Variants in MYH3 observed in about 807,000 individuals in gnomAD.
MYH3 encodes myosin heavy chain 3, also known as myosin-3.
Under a neutral mutation model 238.0 loss-of-function variants are expected in MYH3, and 130 were observed. The ratio of observed to expected loss-of-function variants is 0.55; its 90% CI spans 0.47 to 0.63. The LOEUF is 0.63. Among genes scored for constraint, MYH3 ranks in the 30% least tolerant of loss-of-function variants. The pLI, the probability that MYH3 is intolerant of heterozygous loss-of-function variation, is 0.00. For missense variants in MYH3, 1,853 were observed against 2,374.9 expected (o/e 0.78, Z 4.57); for synonymous variants, 880 against 924.1 (o/e 0.95, Z 0.86).
In MYH3 at chr17:10,629,630, G is replaced by C; in HGVS notation, c.5763C>G (p.Leu1921=). The C allele has an allele frequency of 6.2e-7, 1 of 1,614,032 alleles. No homozygotes were observed. The highest frequency in any genetic ancestry group is 1.7e-5 in the Admixed American group (1 of 60,034). Residue 1921 remains leucine, a synonymous_variant, in exon 40 of 41, where the codon CTC becomes CTG. Transcript: ENST00000583535. ...ADIAESQVNK[L]RAKTRDFTSS... is the part of the protein sequence containing the mutation. ...AGGTGAAGTCTCGAGTCTTAGCGCG[G>C]AGCTTGTTGACTTGAGATTCTGCGA...
chr17:10,633,959 T>C (rs1181181231), intron 32 of MYH3, 58 bp downstream of exon 32: 2 of 1,598,060 alleles, frequency 1.3e-6, no homozygotes, highest in African/African-American at 1.3e-5. Context: ...CACGCCAGCA[T>C]GCTCTCGAGC....
chr17:10,651,490 T>C (rs777897992), intron 5 of MYH3, 22 bp downstream of exon 5: 1 of 1,612,770 alleles, frequency 6.2e-7, no homozygotes. Flanking sequence ...CAGCATCCCA[T>C]GCTTCCTCCT....
chr17:10,654,976 T>C lies in MYH3; in HGVS notation c.89A>G (p.Gln30Arg). The change falls in exon 3 of 41, where the codon CAG becomes CGG. Residue 30 changes from glutamine to arginine, a missense_variant. Physicochemically the swap from Gln to Arg is conservative, Grantham distance 43 (BLOSUM62 1). This residue lies in a region of MYH3 where 131 missense variants were observed against 123.5 expected (regional missense o/e 1.06). Coordinates refer to ENST00000583535, the MANE Select transcript of MYH3 (RefSeq NM_002470.4). The surrounding 1 kb of genome is among the most constrained non-coding windows in gnomAD (Gnocchi z 4.5). ...SEKERIEAQN[Q>R]PFDAKTYCFV... is the part of the protein sequence containing the mutation. ...GCAATACGTCTTGGCATCAAAGGGCTGGTTCTGAGCCTCGATCCTCTCCTT... is the reference window on the plus strand; with the variant it reads ...GCAATACGTCTTGGCATCAAAGGGCCGGTTCTGAGCCTCGATCCTCTCCTT... 1 of 1,614,228 alleles carries C rather than the reference T, an allele frequency of 6.2e-7. No individual in the cohort carries two copies. Among genetic ancestry groups the C allele is most frequent in the Non-Finnish European group, 8.5e-7 (1 of 1,180,030 alleles).
chr17:10,646,780 G>A (rs906222859), intron 10 of MYH3, among the ~76,000 whole-genome samples: 1 of 152,190 alleles, frequency 6.6e-6, no homozygotes, highest in African/African-American at 2.4e-5. Flanking sequence ...AAGTGCAGTG[G>A]CTCACACCTA....
the MYH3 span, among the ~76,000 whole-genome samples, chr17:10,665,828 A>G: frequency 2.0e-5 from 3 of 152,252 alleles, no homozygotes; most frequent in East Asian, 5.8e-4. Flanking sequence ...GAAAAGCCAC[A>G]GGAGGACATT....
rs750031446 is a variant in MYH3, at chr17:10,645,718, T to C, written c.1130A>G (p.Asp377Gly). Residue 377 changes from aspartate to glycine, a missense_variant, in exon 12 of 41, where the codon GAT becomes GGT. Coordinates refer to ENST00000583535, the MANE Select transcript of MYH3 (RefSeq NM_002470.4). Reference sequence around the variant, plus strand: ...CACTGATTTTGTACCTTCTGTGCCATCCGGCTCGGCCTGCTCCTCTCGCTG... The same window carrying C: ...CACTGATTTTGTACCTTCTGTGCCACCCGGCTCGGCCTGCTCCTCTCGCTG... The part of the protein sequence containing the change: ...QKQREEQAEP[D>G]GTEVADKTAY... 6.2e-7 allele frequency: 1 copy of C among 1,612,814 alleles called. No homozygotes were observed. Among genetic ancestry groups the C allele is most frequent in the Admixed American group, 1.7e-5 (1 of 59,970 alleles).
rs750773513 is a variant in MYH3 at position 10,649,626 on chromosome 17, G to A, written c.593C>T (p.Thr198Ile). 82 of 1,614,092 alleles carry A rather than the reference G, an allele frequency of 5.1e-5. No homozygotes were observed. Among genetic ancestry groups the A allele is most frequent in the Non-Finnish European group, 6.4e-5 (75 of 1,180,042 alleles). ...GGCCAGGTCCCCAGTAGCTGCAATT[G>A]TTGCAAAGTACTGGATGACCCGTTT... ...NTKRVIQYFA[T>I]IAATGDLAKK... is the part of the protein sequence containing the mutation. Residue 198 changes from threonine (T) to isoleucine (I), a missense_variant, in exon 7 of 41, where the codon ACA becomes ATA. Physicochemically the swap from Thr to Ile is moderately conservative, Grantham distance 89. Coordinates refer to ENST00000583535, the MANE Select transcript of MYH3 (RefSeq NM_002470.4).
chr17:10,639,237 A>G, intron 24 of MYH3, 48 bp from the exon 25 acceptor site: 1 of 1,613,848 alleles, frequency 6.2e-7, no homozygotes, highest in Non-Finnish European at 8.5e-7. Flanking sequence ...TTGCAAGAGG[A>G]CCCTTGAGGG....
the MYH3 span, chr17:10,675,867 G>C: frequency 6.6e-6 from 1 of 152,152 alleles, no homozygotes; most frequent in East Asian, 1.9e-4. Flanking sequence ...CCCTAGGGTT[G>C]TGTCTTCCTT....
At chr17:10,664,515 A>G in the MYH3 span, among the ~76,000 whole-genome samples, 1 of 152,184 alleles carries the variant, frequency 6.6e-6, no homozygotes, top group Non-Finnish European at 1.5e-5. Context: ...TTGCAAAGTT[A>G]ATCAGAGTAA....
Position 10,640,192 on chromosome 17 carries a change from G to A in MYH3, c.2486C>T (p.Pro829Leu), listed in dbSNP as rs200652175. ...GATCTTGAAGAAGAGTTTCATCCAGGGCCAGTGCTTGACGTTCATGAATGA... is the reference window on the plus strand; with the variant it reads ...GATCTTGAAGAAGAGTTTCATCCAGAGCCAGTGCTTGACGTTCATGAATGA... ...IRSFMNVKHW[P>L]WMKLFFKIKP... is the part of the protein sequence containing the mutation. The change falls in exon 22 of 41, where the codon CCC becomes CTC. Residue 829 changes from proline to leucine, a missense_variant. Physicochemically the swap from Pro to Leu is moderately conservative, Grantham distance 98 (BLOSUM62 -3). Around this residue, in one of 3 missense-constraint regions of MYH3, gnomAD observed 678 missense variants for 1,058.9 expected, o/e 0.64. Transcript: ENST00000583535. 5.8e-5 allele frequency: 94 copies of A among 1,614,010 alleles called. 1 individual carries two copies. Among genetic ancestry groups the A allele is most frequent in the Non-Finnish European group, 5.5e-5 (65 of 1,180,034 alleles).
chr17:10,672,783 C>T, the MYH3 span: 1 of 152,136 alleles, frequency 6.6e-6, no homozygotes, highest in Non-Finnish European at 1.5e-5. Context: ...TAATTTTCTT[C>T]CCCTGGATCT....
At chr17:10,671,600 A>G in the MYH3 span, among the ~76,000 whole-genome samples, 1 of 117,698 alleles carries the variant, frequency 8.5e-6, no homozygotes, top group Non-Finnish European at 1.7e-5. Context: ...TTTTTTTGAG[A>G]CAGAGTCTAG....
At chr17:10,647,454 C>T in intron 8 of MYH3, 28 bp from the exon 9 acceptor site, 1 of 1,608,146 alleles carries the variant, frequency 6.2e-7, no homozygotes, top group Non-Finnish European at 8.5e-7. Flanking sequence ...CAGGGGGAGA[C>T]CAGATTCTAC....
intron 36 of MYH3, among the ~76,000 whole-genome samples, chr17:10,631,050 C>G (rs1421351542): frequency 6.6e-6 from 1 of 152,206 alleles, no homozygotes; most frequent in East Asian, 1.9e-4. Context: ...AAACTCTCCC[C>G]TGCCCCAGGG....
chr17:10,630,428 C>G lies in MYH3; in HGVS notation c.5317G>C (p.Glu1773Gln), dbSNP rs1193800248. The G allele has an allele frequency of 3.1e-6, 5 of 1,614,210 alleles. No individual in the cohort carries two copies. Among genetic ancestry groups the G allele is most frequent in the Non-Finnish European group, 4.2e-6 (5 of 1,180,044 alleles). The change falls in exon 37 of 41, where the codon GAG (glutamate) becomes CAG (glutamine). Residue 1773 changes from glutamate (E) to glutamine (Q), a missense_variant. By Grantham distance (29) the Glu-to-Gln change is conservative (BLOSUM62 2). Coordinates refer to ENST00000583535, the MANE Select transcript of MYH3 (RefSeq NM_002470.4). ...TCAAGGTGGGCGCTGGTGTCCTGCT[C>G]CTTCTTCAGCTCCTCCGCCATCATG... ...AAMMAEELKK[E>Q]QDTSAHLERM...
At chr17:10,632,106 G>T in intron 34 of MYH3, 90 bp from the exon 35 acceptor site, 1 of 1,418,674 alleles carries the variant, frequency 7.0e-7, no homozygotes, top group Non-Finnish European at 9.5e-7. Flanking sequence ...TTGTTTGTTT[G>T]TTTGTTTTTG....
At chr17:10,671,800 C>T in the MYH3 span, among the ~76,000 whole-genome samples, 10 of 152,012 alleles carry the variant, frequency 6.6e-5, no homozygotes, top group Middle Eastern at 0.014. Flanking sequence ...AGGATGGTCT[C>T]GATCTCCTGA....
In MYH3 at chr17:10,651,604, T is replaced by C. The variant is rs753874206; in HGVS notation, c.413A>G (p.Glu138Gly). 3.5e-5 allele frequency: 57 copies of C among 1,613,892 alleles called. No individual in the cohort carries two copies. Among genetic ancestry groups the C allele is most frequent in the Non-Finnish European group, 4.8e-5 (57 of 1,179,988 alleles). ...PYKWLPVYNP[E>G]VVEGYRGKKR... ...TTTGCCTCGGTAGCCTTCCACCACC[T>C]CGGGGTTGTACACCGGCAGCCACTT... The change falls in exon 5 of 41, where the codon GAG (glutamate) becomes GGG (glycine). Residue 138 changes from glutamate (E) to glycine (G), a missense_variant. Around this residue, in one of 3 missense-constraint regions of MYH3, gnomAD observed 678 missense variants for 1,058.9 expected, o/e 0.64. Coordinates refer to ENST00000583535, the MANE Select transcript of MYH3 (RefSeq NM_002470.4).
Sources: allele counts gnomAD v4.1 joint callset (sites outside exome capture counted in the v4.1 genomes callset), GRCh38; gene constraint gnomAD v4.1.1; regional missense constraint gnomAD v4.1.1; non-coding constraint Gnocchi (gnomAD v3.1); transcripts MANE v1.5; gene names NCBI Gene and HGNC (gene_info 2026-07-23, HGNC 2026-07-21).